Variants in SEMA3C observed in about 807,000 individuals in gnomAD.
SEMA3C encodes semaphorin 3C.
In SEMA3C, 47 loss-of-function variants were observed where a neutral mutation model predicts 89.4. The ratio of observed to expected loss-of-function variants is 0.53; its 90% CI spans 0.42 to 0.67. The LOEUF (loss-of-function observed/expected upper bound fraction) is 0.67. Ranked by LOEUF, SEMA3C falls within the 30% of genes least tolerant of loss-of-function variation. The pLI is 0.00. For synonymous variants in SEMA3C, 310 were observed against 320.2 expected, an observed-to-expected ratio of 0.97 and a Z score of 0.34; for missense variants, 839 against 929.1, an observed-to-expected ratio of 0.90 and a Z score of 1.26.
At chr7:80,908,712 A>G (rs1258717233) in intron 2 of SEMA3C, among the ~76,000 whole-genome samples, 1 of 152,080 alleles carries the variant, frequency 6.6e-6, no homozygotes, top group Non-Finnish European at 1.5e-5. Flanking sequence ...TTTTGTTCTC[A>G]CTATCACCAG....
intron 2 of SEMA3C, chr7:80,905,864 A>G (rs972495335): frequency 7.8e-7 from 1 of 1,289,688 alleles, no homozygotes; most frequent in Non-Finnish European, 1.0e-6. Context: ...AATTCACGCC[A>G]CACTTCTTTT....
intron 2 of SEMA3C, among the ~76,000 whole-genome samples, chr7:80,910,454 A>G (rs1792117428): frequency 6.6e-6 from 1 of 152,206 alleles, no homozygotes. Flanking sequence ...CACATGGCTC[A>G]GCACTTAGTT....
At chr7:80,801,336 C>T (rs1789202851) in intron 9 of SEMA3C, among the ~76,000 whole-genome samples, 1 of 151,988 alleles carries the variant, frequency 6.6e-6, no homozygotes, top group South Asian at 2.1e-4. Context: ...ACTCATCTTA[C>T]CATCAAATAG....
In SEMA3C at chr7:80,863,256, A is replaced by T. The variant is rs542472260; in HGVS notation, c.104-34511T>A. Among the ~76,000 whole-genome samples, 12 of 151,582 alleles carry T rather than the reference A, an allele frequency of 7.9e-5. No homozygotes were observed. The South Asian group carries it at 8.3e-4, about 11-fold the overall frequency. On this transcript the variant is annotated intron_variant, in intron 2 of 17. Transcript: ENST00000265361. ...AAAAAAAAAAAAAAAATAGCTCAAC[A>T]TCACTAATGATCAGGGAAATGCAAA... is the stretch of plus-strand genomic sequence containing the variant.
At chr7:80,804,277 A>C in intron 7 of SEMA3C, 29 bp from the exon 8 acceptor site, 1 of 1,474,996 alleles carries the variant, frequency 6.8e-7, no homozygotes, top group Non-Finnish European at 9.1e-7. Flanking sequence ...GACTAGGTAT[A>C]TATTCATTAT....
At chr7:80,838,097 A>G (rs2115862254) in intron 2 of SEMA3C, among the ~76,000 whole-genome samples, 1 of 152,330 alleles carries the variant, frequency 6.6e-6, no homozygotes, top group Admixed American at 6.5e-5. Context: ...CAAATTTCAG[A>G]AAATCATGGT....
intron 4 of SEMA3C, among the ~76,000 whole-genome samples, chr7:80,819,465 G>A (rs934750779): frequency 6.6e-6 from 1 of 152,074 alleles, no homozygotes; most frequent in African/African-American, 2.4e-5. Flanking sequence ...AACATGTTCT[G>A]AATGCACCTG....
At chr7:80,847,555 T>G (rs1236825949) in intron 2 of SEMA3C, among the ~76,000 whole-genome samples, 1 of 152,186 alleles carries the variant, frequency 6.6e-6, no homozygotes, top group Non-Finnish European at 1.5e-5. Flanking sequence ...CAGAGGAACA[T>G]ACTTAAACAA....
At chr7:80,833,123 T>G (rs996051362) in intron 2 of SEMA3C, among the ~76,000 whole-genome samples, 5 of 152,110 alleles carry the variant, frequency 3.3e-5, no homozygotes, top group African/African-American at 1.2e-4. Flanking sequence ...TTCTCCTCCT[T>G]GCCTGTTTCA....
chr7:80,870,131 AC>A (rs1791021414), intron 2 of SEMA3C, among the ~76,000 whole-genome samples: 1 of 152,060 alleles, frequency 6.6e-6, no homozygotes. Flanking sequence ...ACGGCTTCTT[AC>A]TGTGTGCTAC....
intron 2 of SEMA3C, among the ~76,000 whole-genome samples, chr7:80,847,549 G>C (rs1021947214): frequency 6.6e-6 from 1 of 152,124 alleles, no homozygotes; most frequent in African/African-American, 2.4e-5. Flanking sequence ...CAGCTACAGA[G>C]GAACATACTT....
At chr7:80,857,805 A>G (rs545075064) in intron 2 of SEMA3C, among the ~76,000 whole-genome samples, 1 of 152,286 alleles carries the variant, frequency 6.6e-6, no homozygotes, top group South Asian at 2.1e-4. Flanking sequence ...TTCTTTGCTA[A>G]CTAAACAAAC....
At chr7:80,914,011 GAGA>G (rs1279912533) in intron 2 of SEMA3C, among the ~76,000 whole-genome samples, 4 of 152,166 alleles carry the variant, frequency 2.6e-5, no homozygotes, top group Non-Finnish European at 5.9e-5. Flanking sequence ...TACAGTGATG[GAGA>G]AGAATTCAAG....
chr7:80,839,753 A>G (rs1790219882), intron 2 of SEMA3C, among the ~76,000 whole-genome samples: 1 of 152,012 alleles, frequency 6.6e-6, no homozygotes, highest in Admixed American at 6.6e-5. Flanking sequence ...TTGGGGAAGG[A>G]TGATGACCTG....
intron 11 of SEMA3C, among the ~76,000 whole-genome samples, chr7:80,794,367 AATG>A (rs1345654904): frequency 2.6e-4 from 40 of 152,216 alleles, no homozygotes; most frequent in African/African-American, 9.1e-4. Flanking sequence ...CGTTTTGAAT[AATG>A]ATGTGAGACG....
chr7:80,767,419 T>C (rs1336373001), intron 12 of SEMA3C, among the ~76,000 whole-genome samples: 1 of 152,202 alleles, frequency 6.6e-6, no homozygotes, highest in Non-Finnish European at 1.5e-5. Flanking sequence ...AATATTTATG[T>C]CAAGATTTAT....
intron 12 of SEMA3C, among the ~76,000 whole-genome samples, chr7:80,778,496 C>T (rs1583869408): frequency 6.6e-6 from 1 of 152,140 alleles, no homozygotes; most frequent in Non-Finnish European, 1.5e-5. Flanking sequence ...CATTTTTTAT[C>T]ATAAGATAGG....
intron 2 of SEMA3C, among the ~76,000 whole-genome samples, chr7:80,829,731 T>C (rs1789966196): frequency 6.6e-6 from 1 of 152,164 alleles, no homozygotes; most frequent in Admixed American, 6.5e-5. Context: ...TGGCTGGCCT[T>C]TGAAGACAAT....
chr7:80,889,121 T>C (rs1791551001), intron 2 of SEMA3C, among the ~76,000 whole-genome samples: 1 of 152,178 alleles, frequency 6.6e-6, no homozygotes, highest in African/African-American at 2.4e-5. Context: ...CTTCAGCCTC[T>C]CAAAGTGCCA....
Sources: gnomAD v4.1 joint callset for allele counts (sites outside exome capture counted in the v4.1 genomes callset) on GRCh38, gnomAD v4.1.1 for gene constraint, MANE v1.5 for transcripts, NCBI Gene and HGNC (gene_info 2026-07-23, HGNC 2026-07-21) for gene names.